Variants in CSRNP3 observed in about 807,000 individuals in gnomAD.
CSRNP3 encodes the protein cysteine/serine-rich nuclear protein 3.
Under a neutral mutation model 48.0 loss-of-function variants are expected in CSRNP3, and 12 were observed. That is an observed-to-expected ratio of 0.25 (90% CI 0.16 to 0.41). The LOEUF is 0.41. Among genes scored for constraint, CSRNP3 ranks in the 10% least tolerant of loss-of-function variants. The probability of loss-of-function intolerance (pLI) is 1.00; values close to 1 mark genes in which losing one functional copy is unlikely to be tolerated. For synonymous variants in CSRNP3, 263 were observed against 269.7 expected (o/e 0.98, Z 0.24); for missense variants, 580 against 724.4 (o/e 0.80, Z 2.29).
chr2:165,483,341 T>C (rs955217598), intron 1 of CSRNP3, among the ~76,000 whole-genome samples: 3 of 152,206 alleles, frequency 2.0e-5, no homozygotes, highest in Non-Finnish European at 4.4e-5. Context: ...TTCATTGTAG[T>C]TCTTCCTTCA....
At chr2:165,634,751 A>G (rs964475164) in intron 4 of CSRNP3, among the ~76,000 whole-genome samples, 2 of 152,224 alleles carry the variant, frequency 1.3e-5, no homozygotes, top group Admixed American at 1.3e-4. Context: ...AACCTGGTGA[A>G]GAAACCTACC....
At chr2:165,612,745 T>C (rs973320169) in intron 4 of CSRNP3, among the ~76,000 whole-genome samples, 21 of 151,844 alleles carry the variant, frequency 1.4e-4, no homozygotes, top group African/African-American at 4.6e-4. Flanking sequence ...CATGTGGCCA[T>C]GAATGACAGG....
intron 1 of CSRNP3, among the ~76,000 whole-genome samples, chr2:165,473,412 G>A (rs1683918659): frequency 6.6e-6 from 1 of 152,044 alleles, no homozygotes; most frequent in South Asian, 2.1e-4. Context: ...ACAAGAAATG[G>A]AAATAACATG....
At chr2:165,677,426 C>A (rs1687445162) in intron 6 of CSRNP3, among the ~76,000 whole-genome samples, 1 of 152,112 alleles carries the variant, frequency 6.6e-6, no homozygotes, top group African/African-American at 2.4e-5. Context: ...GGTCCCCCTT[C>A]ATTTATAATG....
At chr2:165,668,558 A>G (rs759737593) in intron 5 of CSRNP3, among the ~76,000 whole-genome samples, 1 of 151,404 alleles carries the variant, frequency 6.6e-6, no homozygotes, top group African/African-American at 2.4e-5. Context: ...CCTGCCATCA[A>G]TCCTGGCTAG....
chr2:165,655,543 C>T (rs1013960664), intron 4 of CSRNP3, among the ~76,000 whole-genome samples: 1 of 152,162 alleles, frequency 6.6e-6, no homozygotes, highest in Non-Finnish European at 1.5e-5. Flanking sequence ...TCATTTTCTT[C>T]TGTTCATTTT....
chr2:165,584,876 A>G (rs1328065263), intron 3 of CSRNP3, among the ~76,000 whole-genome samples: 1 of 152,180 alleles, frequency 6.6e-6, no homozygotes, highest in Non-Finnish European at 1.5e-5. Context: ...ACTAACACTA[A>G]GGATAGATGA....
chr2:165,649,200 A>G (rs1001299928), intron 4 of CSRNP3, among the ~76,000 whole-genome samples: 8 of 152,180 alleles, frequency 5.3e-5, no homozygotes, highest in Non-Finnish European at 1.0e-4. Context: ...ACATATCTTG[A>G]TAGAATACTT....
intron 3 of CSRNP3, among the ~76,000 whole-genome samples, chr2:165,550,867 C>G (rs1038671833): frequency 2.0e-5 from 3 of 152,142 alleles, no homozygotes; most frequent in African/African-American, 7.2e-5. Flanking sequence ...CAAGAACAGC[C>G]ATTTGGGAAC....
At chr2:165,508,242 G>A (rs1270418627) in intron 2 of CSRNP3, among the ~76,000 whole-genome samples, 2 of 151,852 alleles carry the variant, frequency 1.3e-5, no homozygotes, top group Admixed American at 6.6e-5. Flanking sequence ...CAATTCTACC[G>A]GCAATTCTGT....
intron 3 of CSRNP3, among the ~76,000 whole-genome samples, chr2:165,541,493 A>G (rs976934933): frequency 6.6e-6 from 1 of 151,986 alleles, no homozygotes; most frequent in Non-Finnish European, 1.5e-5. Flanking sequence ...TCTACCACAT[A>G]ATGGGTGGTG....
intron 4 of CSRNP3, among the ~76,000 whole-genome samples, chr2:165,645,427 A>C (rs1412864096): frequency 2.0e-5 from 3 of 152,212 alleles, no homozygotes; most frequent in Non-Finnish European, 4.4e-5. Flanking sequence ...CAAATGCTCC[A>C]CTATCTGATA....
chr2:165,654,479 A>G (rs1036438053), intron 4 of CSRNP3, among the ~76,000 whole-genome samples: 2 of 152,164 alleles, frequency 1.3e-5, no homozygotes. Flanking sequence ...GGAGAAGAGG[A>G]AAGTTGAGAA....
At chr2:165,667,069 AAGAG>A (rs1321480824) in intron 5 of CSRNP3, among the ~76,000 whole-genome samples, 125 of 103,418 alleles carry the variant, frequency 1.2e-3, no homozygotes, top group Middle Eastern at 5.7e-3. Flanking sequence ...GAAGGAAGGA[AAGAG>A]AGAGAGAAAG....
chr2:165,591,935 G>GTCCTCC (rs562740149), intron 3 of CSRNP3, among the ~76,000 whole-genome samples: 2,182 of 152,318 alleles, frequency 0.014, 69 homozygotes, highest in African/African-American at 0.049. Context: ...GTGGAACTGT[G>GTCCTCC]AGAAGAGGGC....
chr2:165,547,426 C>T (rs1342881824), intron 3 of CSRNP3, among the ~76,000 whole-genome samples: 1 of 152,054 alleles, frequency 6.6e-6, no homozygotes, highest in African/African-American at 2.4e-5. Flanking sequence ...CTTCCCAGTC[C>T]CTTGCCAATA....
In CSRNP3 at chr2:165,487,874, G is replaced by T. The variant is rs1413149961; in HGVS notation, c.-282-6885G>T. Among the ~76,000 whole-genome samples the T allele has an allele frequency of 2.8e-5, 4 of 143,664 alleles. No homozygotes were observed. The South Asian group carries it at 8.8e-4, about 32-fold the overall frequency. 94.2% of individuals were successfully genotyped at this position (143,664 alleles called of 152,430 possible). On this transcript the variant is annotated intron_variant, in intron 1 of 6. Transcript: ENST00000651982. Reference sequence around the variant, plus strand: ...ATGTAAAGAACATCGAGACTAGGAAGAAACTGCATCAACTAATGAGCAAAA... The same window carrying T: ...ATGTAAAGAACATCGAGACTAGGAATAAACTGCATCAACTAATGAGCAAAA...
chr2:165,493,545 A>G (rs1026681789), intron 1 of CSRNP3, among the ~76,000 whole-genome samples: 2 of 152,114 alleles, frequency 1.3e-5, no homozygotes, highest in Non-Finnish European at 2.9e-5. Context: ...TGCTCCTTTG[A>G]CTGTGTAAAC....
intron 4 of CSRNP3, among the ~76,000 whole-genome samples, chr2:165,647,633 G>T (rs997839643): frequency 6.6e-6 from 1 of 152,138 alleles, no homozygotes; most frequent in African/African-American, 2.4e-5. Flanking sequence ...ATGCTGGTTG[G>T]ACTTACATTT....
Sources: gnomAD v4.1 joint callset for allele counts (sites outside exome capture counted in the v4.1 genomes callset) on GRCh38, gnomAD v4.1.1 for gene constraint, MANE v1.5 for transcripts, NCBI Gene and HGNC (gene_info 2026-07-23, HGNC 2026-07-21) for gene names.